RGMA: variants seen among roughly 807,000 people sequenced by gnomAD.
The protein encoded by RGMA is repulsive guidance molecule BMP co-receptor a.
A neutral mutation model predicts 23.2 loss-of-function variants in RGMA; 10 were observed. The observed-to-expected ratio is 0.43, with a 90% confidence interval of 0.27 to 0.73. The LOEUF is 0.73. Ranked by LOEUF, RGMA falls within the 30% of genes least tolerant of loss-of-function variation. The pLI is 0.20. For missense variants in RGMA, 547 were observed against 630.5 expected (o/e 0.87, Z 1.42); for synonymous variants, 308 against 279.3 (o/e 1.10, Z -1.03).
intron 2 of RGMA, chr15:93,065,817 G>T: frequency 1.2e-6 from 1 of 846,260 alleles, no homozygotes; most frequent in Non-Finnish European, 2.0e-6. Flanking sequence ...AATTGAGGTA[G>T]GGGAACCCGC....
chr15:93,063,950 G>A (rs1895055712), intron 2 of RGMA, among the ~76,000 whole-genome samples: 1 of 152,224 alleles, frequency 6.6e-6, no homozygotes, highest in South Asian at 2.1e-4. Flanking sequence ...TACTGCCCGT[G>A]TCACAGCCAG....
chr15:93,086,651 T>C (rs1895638925), intron 1 of RGMA, among the ~76,000 whole-genome samples: 1 of 152,108 alleles, frequency 6.6e-6, no homozygotes, highest in Non-Finnish European at 1.5e-5. Flanking sequence ...GCAGCAAGCA[T>C]CCCTGGAAGA....
chr15:93,046,407 C>T (rs1314838758), intron 3 of RGMA, among the ~76,000 whole-genome samples: 1 of 152,094 alleles, frequency 6.6e-6, no homozygotes, highest in East Asian at 1.9e-4. Flanking sequence ...TGATTTTATC[C>T]CCACGAGACA....
At chr15:93,066,483 G>A (rs1049195394) in intron 2 of RGMA, 8 of 543,688 alleles carry the variant, frequency 1.5e-5, no homozygotes, top group Admixed American at 9.1e-5. Context: ...GCACCAAGGG[G>A]GTCCCATCCC....
intron 2 of RGMA, 29 bp from the exon 3 acceptor site, chr15:93,052,536 G>T: frequency 6.5e-7 from 1 of 1,530,040 alleles, no homozygotes; most frequent in East Asian, 2.3e-5. Flanking sequence ...ACACACCGTC[G>T]GGGTGCAGCC....
At chr15:93,074,590 T>G (rs72645175) in intron 1 of RGMA, among the ~76,000 whole-genome samples, 8,878 of 152,350 alleles carry the variant, frequency 0.058, 374 homozygotes, top group Middle Eastern at 0.099. Flanking sequence ...CCCTGAAATA[T>G]TGAGGTCTCA....
At chr15:93,067,646 AGGTGGGGTGT>A (rs1269391845) in intron 2 of RGMA, among the ~76,000 whole-genome samples, 1 of 151,840 alleles carries the variant, frequency 6.6e-6, no homozygotes, top group Non-Finnish European at 1.5e-5. Flanking sequence ...TAGAGTGGCC[AGGTGGGGTGT>A]GGTGGGGTGG....
chr15:93,046,596 C>T (rs1448570385), intron 3 of RGMA, among the ~76,000 whole-genome samples: 1 of 152,040 alleles, frequency 6.6e-6, no homozygotes, highest in Non-Finnish European at 1.5e-5. Flanking sequence ...AATGTCTGAA[C>T]ATTACAGCAG....
At chr15:93,071,812 C>CG (rs1567192968) in intron 2 of RGMA, among the ~76,000 whole-genome samples, 1 of 152,134 alleles carries the variant, frequency 6.6e-6, no homozygotes, top group African/African-American at 2.4e-5. Flanking sequence ...CAGTAGTGCG[C>CG]GGGGGCTGCG....
At chr15:93,076,009 C>T (rs1895467726) in intron 1 of RGMA, among the ~76,000 whole-genome samples, 1 of 152,158 alleles carries the variant, frequency 6.6e-6, no homozygotes, top group Admixed American at 6.5e-5. Flanking sequence ...AACAGCTCCC[C>T]AACTCTCTGC....
intron 3 of RGMA, among the ~76,000 whole-genome samples, chr15:93,048,900 G>C (rs1409933414): frequency 1.4e-5 from 2 of 139,770 alleles, no homozygotes; most frequent in Non-Finnish European, 3.1e-5. Flanking sequence ...ACAGACACTG[G>C]GGGTGGGGGG....
chr15:93,042,260 A>C lies in RGMA; in HGVS notation c.*2738T>G, dbSNP rs2054733842. The C allele has an allele frequency of 6.6e-6, 1 of 152,212 alleles. No individual in the cohort carries two copies. The highest frequency in any genetic ancestry group is 2.4e-5 in the African/African-American group (1 of 41,440). The allele number at this position is 152,212 out of a possible 1,614,324, so 9.4% of individuals were successfully genotyped here. ...CACTCTTGGGACTCCTCCCCTTGCT[A>C]GCCTGCAGGTTCACCTCTCCCAAGA... On this transcript the variant is annotated 3_prime_UTR_variant, in exon 4 of 4. Transcript: ENST00000329082.
Position 93,035,891 on chromosome 15 carries a change from G to C in RGMA, c.*9107C>G, listed in dbSNP as rs2054655379. 2 of 152,268 alleles carry C rather than the reference G, an allele frequency of 1.3e-5. No homozygotes were observed. Among genetic ancestry groups the C allele is most frequent in the Non-Finnish European group, 2.9e-5 (2 of 68,076 alleles). 9.4% of individuals were successfully genotyped at this position (152,268 alleles called of 1,614,324 possible). On this transcript the variant is annotated 3_prime_UTR_variant, in exon 4 of 4. Coordinates refer to ENST00000329082, the MANE Select transcript of RGMA (RefSeq NM_020211.3). ...CTGCACCCAGTTGATAGCTAGGGCA[G>C]TGAGGCTCAGACACAGCCTGTGGCT...
intron 1 of RGMA, chr15:93,073,647 G>C (rs1596104623): frequency 6.5e-7 from 1 of 1,537,138 alleles, no homozygotes; most frequent in Non-Finnish European, 8.7e-7. Context: ...CGGTGCAGGA[G>C]GCTGAAAAAC....
At chr15:93,088,356 G>A (rs1006021148) in intron 1 of RGMA, 2 of 985,378 alleles carry the variant, frequency 2.0e-6, no homozygotes, top group Non-Finnish European at 2.4e-6. Flanking sequence ...AGCCGGGGCG[G>A]CTTGGCAATG....
chr15:93,087,563 GC>G (rs923012833), intron 1 of RGMA, among the ~76,000 whole-genome samples: 9 of 149,170 alleles, frequency 6.0e-5, no homozygotes, highest in Non-Finnish European at 1.3e-4. Context: ...TCCTCCTGTT[GC>G]CCTTCGGAGC....
chr15:93,069,899 G>A (rs1471375561), intron 2 of RGMA, among the ~76,000 whole-genome samples: 2 of 152,254 alleles, frequency 1.3e-5, no homozygotes, highest in East Asian at 3.8e-4. Context: ...TTTCGAAAAA[G>A]TCACAATGGC....
chr15:93,057,720 T>C (rs1156296194), intron 2 of RGMA, among the ~76,000 whole-genome samples: 1 of 152,242 alleles, frequency 6.6e-6, no homozygotes, highest in Admixed American at 6.5e-5. Flanking sequence ...GACATTTGTC[T>C]GGCCAGAGAC....
rs10744972 is a variant in RGMA at position 93,036,440 on chromosome 15, C to G, written c.*8558G>C. ...CAAGTCCACTCAAGAAGGCGGTTGC[C>G]GGAGTTTTCCTGCTCCACCCTGGGG... On this transcript the variant is annotated 3_prime_UTR_variant, in exon 4 of 4. Coordinates refer to ENST00000329082, the MANE Select transcript of RGMA (RefSeq NM_020211.3). 1 of 152,146 alleles carries G rather than the reference C, an allele frequency of 6.6e-6. No individual in the cohort carries two copies. The highest frequency in any genetic ancestry group is 1.5e-5 in the Non-Finnish European group (1 of 68,042). The allele number at this position is 152,146 out of a possible 1,614,324, so 9.4% of individuals were successfully genotyped here.
Sources: allele counts gnomAD v4.1 joint callset (sites outside exome capture counted in the v4.1 genomes callset), GRCh38; gene constraint gnomAD v4.1.1; transcripts MANE v1.5; gene names NCBI Gene and HGNC (gene_info 2026-07-23, HGNC 2026-07-21).